DBNL: variants seen among roughly 807,000 people sequenced by gnomAD.
The protein encoded by DBNL is drebrin-like protein.
Under a neutral mutation model 62.2 loss-of-function variants are expected in DBNL, and 35 were observed. That is an observed-to-expected ratio of 0.56 (90% CI 0.43 to 0.75). DBNL has a LOEUF of 0.75. Among genes scored for constraint, DBNL ranks in the 30% least tolerant of loss-of-function variants. The pLI, the probability that DBNL is intolerant of heterozygous loss-of-function variation, is 0.00. For synonymous variants in DBNL, 197 were observed against 218.0 expected (o/e 0.90, Z 0.85); for missense variants, 495 against 578.4 (o/e 0.86, Z 1.48).
chr7:44,065,396 A>G lies in DBNL; in HGVS notation c.*4480A>G. ...GTCAAACTCCATCTTGGCATCCTTGATGGCCTTGGCTCCCCGCTTGGCCTC... is the reference window on the plus strand; with the variant it reads ...GTCAAACTCCATCTTGGCATCCTTGGTGGCCTTGGCTCCCCGCTTGGCCTC... On this transcript the variant is annotated 3_prime_UTR_variant, in exon 13 of 13. Coordinates refer to ENST00000448521, the MANE Select transcript of DBNL (RefSeq NM_001014436.3). 1 of 1,614,076 alleles carries G rather than the reference A, an allele frequency of 6.2e-7. No individual in the cohort carries two copies. The highest frequency in any genetic ancestry group is 1.1e-5 in the South Asian group (1 of 91,084).
intron 8 of DBNL, 45 bp downstream of exon 8, chr7:44,058,525 C>G: frequency 6.2e-7 from 1 of 1,607,580 alleles, no homozygotes; most frequent in Non-Finnish European, 8.5e-7. Context: ...CCTGGCCACA[C>G]GCAGAAGTCC....
At position 44,058,220 on chromosome 7, in the gene DBNL, G is replaced by A. The variant is rs752137757; in HGVS notation, c.644G>A (p.Arg215His). ...CAGGAGCGCCGGGAGCGTGAGCTGC[G>A]TGAGGCTGCACGCCGGGAGCAGCGC... ...LEQERREREL[R>H]EAARREQRYQ... Residue 215 changes from arginine to histidine, a missense_variant, in exon 7 of 13, where the codon CGT becomes CAT. Transcript: ENST00000448521. 19 of 1,571,084 alleles carry A rather than the reference G, an allele frequency of 1.2e-5. No homozygotes were observed. Among genetic ancestry groups the A allele is most frequent in the South Asian group, 2.3e-5 (2 of 85,830 alleles).
At chr7:44,057,008 G>T in intron 5 of DBNL, 105 bp downstream of exon 5, 1 of 1,512,280 alleles carries the variant, frequency 6.6e-7, no homozygotes. Context: ...GCCCATGCCT[G>T]CTTAGTTTCT....
chr7:44,059,606 C>T lies in DBNL; in HGVS notation c.995C>T (p.Ala332Val). ...TGTCTGGTGCAGGCAGAAGAGGAGG[C>T]TGTGTATGAGGAACCTCCAGAGCAG... ...PPCLVQAEEE[A>V]VYEEPPEQET... The change falls in exon 11 of 13, where the codon GCT (alanine) becomes GTT (valine). Residue 332 changes from alanine to valine, a missense_variant. Ala to Val is a moderately conservative substitution (Grantham distance 64). Coordinates refer to ENST00000448521, the MANE Select transcript of DBNL (RefSeq NM_001014436.3). This position sits in a 1 kb window ranked among gnomAD's most constrained non-coding sequence, Gnocchi z 4.1. 6 of 1,611,166 alleles carry T rather than the reference C, an allele frequency of 3.7e-6. No homozygotes were observed. The highest frequency in any genetic ancestry group is 5.1e-6 in the Non-Finnish European group (6 of 1,179,914).
chr7:44,067,355 G>T lies in DBNL; in HGVS notation c.*6439G>T. ...AAGTCACTTGCAGCTGTGTAGGAGT[G>T]GAAGTAGAAGCTGAGTACCCTGCAG... On this transcript the variant is annotated 3_prime_UTR_variant, in exon 13 of 13. Transcript: ENST00000448521. The T allele has an allele frequency of 6.6e-6, 1 of 152,348 alleles. No homozygotes were observed. The allele number at this position is 152,348 out of a possible 1,614,324, so 9.4% of individuals were successfully genotyped here.
At chr7:44,048,990 G>A (rs2096121865) in intron 1 of DBNL, among the ~76,000 whole-genome samples, 1 of 152,090 alleles carries the variant, frequency 6.6e-6, no homozygotes, top group Non-Finnish European at 1.5e-5. Context: ...GAGTAGTTGG[G>A]ACTACGGGCA....
In DBNL at chr7:44,065,428, C is replaced by T; in HGVS notation, c.*4512C>T. The T allele has an allele frequency of 6.2e-7, 1 of 1,614,156 alleles. No homozygotes were observed. The highest frequency in any genetic ancestry group is 8.5e-7 in the Non-Finnish European group (1 of 1,180,042). ...TGGCTCCCCGCTTGGCCTCCTCGGT[C>T]CCCTTTTCACTCAGCTCTGCATCGA... On this transcript the variant is annotated 3_prime_UTR_variant, in exon 13 of 13. Transcript: ENST00000448521.
At position 44,063,153 on chromosome 7, in the gene DBNL, A is replaced by G. The variant is rs545599423; in HGVS notation, c.*2237A>G. The G allele has an allele frequency of 1.0e-5, 6 of 585,152 alleles. No individual in the cohort carries two copies. The highest frequency in any genetic ancestry group is 1.9e-5 in the Non-Finnish European group (6 of 321,026). 36.2% of individuals were successfully genotyped at this position (585,152 alleles called of 1,614,324 possible). A position where few individuals can be genotyped will look rare whatever the true frequency, so the allele number is the denominator to read the frequency against. On this transcript the variant is annotated 3_prime_UTR_variant, in exon 13 of 13. Coordinates refer to ENST00000448521, the MANE Select transcript of DBNL (RefSeq NM_001014436.3). Reference sequence around the variant, plus strand: ...CAGTGGTGAAAAAAATGGGGACTTCAGCCCCACCCAAGTGGCTGTGATCTG... The same window carrying G: ...CAGTGGTGAAAAAAATGGGGACTTCGGCCCCACCCAAGTGGCTGTGATCTG...
In DBNL at chr7:44,063,343, G is replaced by T. The variant is rs916996360; in HGVS notation, c.*2427G>T. Reference sequence around the variant, plus strand: ...CCTCTTGCCCAGGCTGGAGTGCAGTGGCACGATCTTGGCTCACTGCAACCT... The same window carrying T: ...CCTCTTGCCCAGGCTGGAGTGCAGTTGCACGATCTTGGCTCACTGCAACCT... On this transcript the variant is annotated 3_prime_UTR_variant, in exon 13 of 13. Coordinates refer to ENST00000448521, the MANE Select transcript of DBNL (RefSeq NM_001014436.3). The T allele has an allele frequency of 6.8e-5, 19 of 278,252 alleles. No homozygotes were observed. The highest frequency in any genetic ancestry group is 1.3e-4 in the Non-Finnish European group (18 of 142,100). 17.2% of individuals were successfully genotyped at this position (278,252 alleles called of 1,614,324 possible).
chr7:44,047,700 C>T (rs1285095237), intron 1 of DBNL, among the ~76,000 whole-genome samples: 1 of 152,126 alleles, frequency 6.6e-6, no homozygotes, highest in Non-Finnish European at 1.5e-5. Flanking sequence ...CTTGACACTC[C>T]ATATGCCTTG....
intron 2 of DBNL, 96 bp downstream of exon 2, chr7:44,050,376 A>T (rs1479330469): frequency 8.8e-6 from 12 of 1,359,026 alleles, no homozygotes; most frequent in Non-Finnish European, 1.2e-5. Context: ...ACTGAGCCAC[A>T]TGGGGCTTCC....
chr7:44,048,202 A>T (rs1259142737), intron 1 of DBNL, among the ~76,000 whole-genome samples: 1 of 152,238 alleles, frequency 6.6e-6, no homozygotes, highest in African/African-American at 2.4e-5. Flanking sequence ...GGCATGAGCC[A>T]TCGCAGCTGG....
chr7:44,054,072 C>T (rs2096131606), intron 4 of DBNL, among the ~76,000 whole-genome samples: 1 of 152,206 alleles, frequency 6.6e-6, no homozygotes, highest in Non-Finnish European at 1.5e-5. Context: ...GATGCTCAAC[C>T]TGTATAGCAA....
At chr7:44,053,332 C>T (rs2096129876) in intron 4 of DBNL, among the ~76,000 whole-genome samples, 1 of 152,232 alleles carries the variant, frequency 6.6e-6, no homozygotes, top group Non-Finnish European at 1.5e-5. Flanking sequence ...TTGATGCATT[C>T]CTTTCCAGCC....
At chr7:44,050,198 A>T in intron 1 of DBNL, 27 bp from the exon 2 acceptor site, 1 of 1,612,826 alleles carries the variant, frequency 6.2e-7, no homozygotes, top group South Asian at 1.1e-5. Flanking sequence ...GGTGCTGGCT[A>T]CAGAGCTCAC....
chr7:44,058,096 A>ACAGGGC (rs1204612156), intron 6 of DBNL, 33 bp from the exon 7 acceptor site: 1 of 1,550,850 alleles, frequency 6.4e-7, no homozygotes, highest in Admixed American at 2.0e-5. Context: ...AAGTGGCAGC[A>ACAGGGC]TAGGGCTGAG....
Position 44,065,832 on chromosome 7 carries a change from G to T in DBNL, c.*4916G>T, listed in dbSNP as rs557950965. The T allele has an allele frequency of 2.0e-6, 1 of 506,392 alleles. No individual in the cohort carries two copies. Among genetic ancestry groups the T allele is most frequent in the African/African-American group, 1.9e-5 (1 of 51,848 alleles). 31.4% of individuals were successfully genotyped at this position (506,392 alleles called of 1,614,324 possible). On this transcript the variant is annotated 3_prime_UTR_variant, in exon 13 of 13. Transcript: ENST00000448521. ...CTGAGTGGGGCTGCTGGTCAGGGAT[G>T]GGCGTGAAGGGCAGAAGTCTGGGCC...
intron 4 of DBNL, among the ~76,000 whole-genome samples, chr7:44,055,467 G>GA (rs1399954160): frequency 6.6e-6 from 1 of 152,022 alleles, no homozygotes; most frequent in Non-Finnish European, 1.5e-5. Flanking sequence ...CTCTGTCTCA[G>GA]AAAAAAACCC....
At chr7:44,058,574 A>C (rs2128793744) in intron 8 of DBNL, 94 bp downstream of exon 8, 1 of 1,496,768 alleles carries the variant, frequency 6.7e-7, no homozygotes, top group African/African-American at 1.4e-5. Context: ...ACCTGGGCAG[A>C]GGCTGCCCTG....
Sources: allele counts gnomAD v4.1 joint callset (sites outside exome capture counted in the v4.1 genomes callset), GRCh38; gene constraint gnomAD v4.1.1; non-coding constraint Gnocchi (gnomAD v3.1); transcripts MANE v1.5; gene names NCBI Gene and HGNC (gene_info 2026-07-23, HGNC 2026-07-21).